FOXP2: variants seen among roughly 807,000 people sequenced by gnomAD.
The protein encoded by FOXP2 is forkhead box P2.
A neutral mutation model predicts 115.8 loss-of-function variants in FOXP2; 12 were observed. That is an observed-to-expected ratio of 0.10 (90% CI 0.07 to 0.17). The LOEUF (loss-of-function observed/expected upper bound fraction) is 0.17. Ranked by LOEUF, FOXP2 falls within the 10% of genes least tolerant of loss-of-function variation. The pLI, the probability that FOXP2 is intolerant of heterozygous loss-of-function variation, is 1.00. For missense variants in FOXP2, 629 were observed against 843.5 expected (o/e 0.75, Z 3.15); for synonymous variants, 328 against 297.7 (o/e 1.10, Z -1.05).
chr7:114,140,962 T>C (rs1316894783), intron 1 of FOXP2, among the ~76,000 whole-genome samples: 1 of 152,210 alleles, frequency 6.6e-6, no homozygotes, highest in Non-Finnish European at 1.5e-5. Context: ...GTGCTGAAGC[T>C]GGGATTATAT....
chr7:114,501,177 G>A (rs1797552606), intron 2 of FOXP2, among the ~76,000 whole-genome samples: 1 of 152,064 alleles, frequency 6.6e-6, no homozygotes, highest in South Asian at 2.1e-4. Flanking sequence ...CACTAAATTG[G>A]TATCATTAGA....
intron 3 of FOXP2, among the ~76,000 whole-genome samples, chr7:114,589,907 G>C (rs1802358594): frequency 6.6e-6 from 1 of 151,640 alleles, no homozygotes; most frequent in Admixed American, 6.6e-5. Context: ...TTCTGTTTTT[G>C]TTTTTGTTTT....
intron 10 of FOXP2, among the ~76,000 whole-genome samples, chr7:114,654,581 G>T (rs565924344): frequency 2.0e-5 from 3 of 152,174 alleles, no homozygotes; most frequent in South Asian, 4.2e-4. Flanking sequence ...AAAAAGAAGT[G>T]GGTGATTATA....
chr7:114,153,683 A>G lies in FOXP2; in HGVS notation c.-246-9261A>G, dbSNP rs530594531. On this transcript the variant is annotated intron_variant, in intron 1 of 19. Transcript: ENST00000635638. ...TACCAGACATCATTTTTATTGGGAT[A>G]TTAATTCTCAGAGGTGCTAATCTCA... is the stretch of plus-strand genomic sequence containing the variant. Among the ~76,000 whole-genome samples, 4 of 152,254 alleles carry G rather than the reference A, an allele frequency of 2.6e-5. No homozygotes were observed. The South Asian group carries it at 6.2e-4, about 24-fold the overall frequency.
At chr7:114,672,789 G>C (rs1040398319) in intron 16 of FOXP2, among the ~76,000 whole-genome samples, 3 of 152,168 alleles carry the variant, frequency 2.0e-5, no homozygotes, top group Non-Finnish European at 2.9e-5. Context: ...ATGTAGTCCA[G>C]GTGGAAAGTA....
chr7:114,393,690 G>T (rs1013094008), intron 2 of FOXP2, among the ~76,000 whole-genome samples: 1 of 152,100 alleles, frequency 6.6e-6, no homozygotes, highest in Non-Finnish European at 1.5e-5. Context: ...CCTGGCATGG[G>T]TTGTTGGAAC....
chr7:114,462,897 C>T (rs1795641025), intron 2 of FOXP2, among the ~76,000 whole-genome samples: 1 of 152,124 alleles, frequency 6.6e-6, no homozygotes, highest in East Asian at 1.9e-4. Context: ...TGATCTGAAG[C>T]ACTACAATCT....
intron 2 of FOXP2, among the ~76,000 whole-genome samples, chr7:114,529,187 C>CTTTTATTCTCCCT (rs1358903740): frequency 2.0e-5 from 3 of 151,828 alleles, no homozygotes; most frequent in African/African-American, 7.2e-5. Flanking sequence ...CCCTTTTAAA[C>CTTTTATTCTCCCT]TCATTCTACA....
At position 114,330,467 on chromosome 7, in the gene FOXP2, T is replaced by TA. The variant is rs551427303; in HGVS notation, c.-11+42370dup. Among the ~76,000 whole-genome samples, 136 of 133,038 alleles carry TA rather than the reference T, an allele frequency of 1.0e-3. 1 individual carries two copies. Among genetic ancestry groups the TA allele is most frequent in the African/African-American group, 2.5e-3 (95 of 37,390 alleles). 87.3% of individuals were successfully genotyped at this position (133,038 alleles called of 152,430 possible). A position where few individuals can be genotyped will look rare whatever the true frequency, so the allele number is the denominator to read the frequency against. ...GGGCAACATAGGGAGATCTTGTCTCTAAAAAAAAAAAAGTTTATATATATA... is the reference window on the plus strand; with the variant it reads ...GGGCAACATAGGGAGATCTTGTCTCTAAAAAAAAAAAAAGTTTATATATATA... On this transcript the variant is annotated intron_variant, in intron 2 of 17. Coordinates refer to the FOXP2 transcript ENST00000634411.
intron 1 of FOXP2, among the ~76,000 whole-genome samples, chr7:114,186,361 C>A (rs1055775464): frequency 6.6e-6 from 1 of 152,016 alleles, no homozygotes; most frequent in African/African-American, 2.4e-5. Flanking sequence ...AATATTTCTC[C>A]CTATTTCAAA....
rs182021287 is a variant in FOXP2 at position 114,478,486 on chromosome 7, A to G, written c.168+51807A>G. Among the ~76,000 whole-genome samples, 381 of 151,976 alleles carry G rather than the reference A, an allele frequency of 2.5e-3. 2 individuals are homozygous for G. Among genetic ancestry groups the G allele is most frequent in the African/African-American group, 8.8e-3 (367 of 41,540 alleles). On this transcript the variant is annotated intron_variant, in intron 2 of 16. Transcript: ENST00000350908. ...AGAACCAAAGGACTTGGTCTGGTTT[A>G]TCTTCTTTTCTTATACTTTTCCTGA...
intron 2 of FOXP2, among the ~76,000 whole-genome samples, chr7:114,487,252 C>A (rs900004320): frequency 6.6e-6 from 1 of 152,188 alleles, no homozygotes; most frequent in African/African-American, 2.4e-5. Flanking sequence ...AGGCTTGGGG[C>A]TTGAAACCTC....
At chr7:114,515,435 T>C (rs565008675) in intron 2 of FOXP2, among the ~76,000 whole-genome samples, 7 of 151,904 alleles carry the variant, frequency 4.6e-5, no homozygotes, top group East Asian at 1.9e-4. Context: ...TGGTATCTTA[T>C]TGTGGTTTTG....
intron 2 of FOXP2, among the ~76,000 whole-genome samples, chr7:114,302,904 C>T (rs920508003): frequency 6.6e-6 from 1 of 152,184 alleles, no homozygotes; most frequent in African/African-American, 2.4e-5. Flanking sequence ...ATGGAGATTT[C>T]GGTCCTACAA....
chr7:114,269,311 A>G (rs185465034), intron 1 of FOXP2, among the ~76,000 whole-genome samples: 1 of 152,236 alleles, frequency 6.6e-6, no homozygotes, highest in African/African-American at 2.4e-5. Context: ...TGCCTTAAAC[A>G]TGGAAGTATT....
chr7:114,649,211 G>A (rs927545674), intron 8 of FOXP2, among the ~76,000 whole-genome samples: 5 of 151,934 alleles, frequency 3.3e-5, no homozygotes, highest in Non-Finnish European at 7.4e-5. Context: ...ACTTAATAAA[G>A]GTTTTGTAAC....
intron 2 of FOXP2, chr7:114,297,149 A>G (rs1796760026): frequency 2.0e-6 from 1 of 492,776 alleles, no homozygotes; most frequent in Non-Finnish European, 4.1e-6. Context: ...CATGGCGCCC[A>G]GAACGTTTCT....
chr7:114,332,053 AGTC>A (rs1325596778), intron 2 of FOXP2, among the ~76,000 whole-genome samples: 1 of 152,074 alleles, frequency 6.6e-6, no homozygotes, highest in East Asian at 1.9e-4. Context: ...TACTATGATT[AGTC>A]CAAGTGAACC....
chr7:114,146,940 G>A (rs1792386643), intron 1 of FOXP2, among the ~76,000 whole-genome samples: 1 of 152,236 alleles, frequency 6.6e-6, no homozygotes, highest in South Asian at 2.1e-4. Flanking sequence ...ACTTGTTGTG[G>A]TAACCAGTTG....
Sources: allele counts gnomAD v4.1 joint callset (sites outside exome capture counted in the v4.1 genomes callset), GRCh38; gene constraint gnomAD v4.1.1; transcripts MANE v1.5; gene names NCBI Gene and HGNC (gene_info 2026-07-23, HGNC 2026-07-21).